Variants in MAP2K5 observed in about 807,000 individuals in gnomAD.
MAP2K5 encodes mitogen-activated protein kinase kinase 5, also known as dual specificity mitogen-activated protein kinase kinase 5.
Under a neutral mutation model 83.1 loss-of-function variants are expected in MAP2K5, and 49 were observed. The ratio of observed to expected loss-of-function variants is 0.59; its 90% confidence interval spans 0.47 to 0.75. MAP2K5 has a LOEUF of 0.75. MAP2K5 is among the 30% of genes least tolerant of loss of function. The pLI, the probability that MAP2K5 is intolerant of heterozygous loss-of-function variation, is 0.00. For synonymous variants in MAP2K5, 202 were observed against 191.8 expected (o/e 1.05, Z -0.44); for missense variants, 457 against 557.5 (o/e 0.82, Z 1.82).
intron 15 of MAP2K5, among the ~76,000 whole-genome samples, chr15:67,693,823 C>T (rs2088176766): frequency 6.6e-6 from 1 of 152,138 alleles, no homozygotes. Context: ...GAAGTTTAAT[C>T]CTACAGAGAG....
chr15:67,769,709 A>G lies in MAP2K5; in HGVS notation c.1196+46A>G. 1 of 1,593,152 alleles carries G rather than the reference A, an allele frequency of 6.3e-7. No individual in the cohort carries two copies. ...GCCATGCCCTCAATGTAAATGATACATGCCATTAACTCGGCAGCTCCGTGA... is the reference window on the plus strand; with the variant it reads ...GCCATGCCCTCAATGTAAATGATACGTGCCATTAACTCGGCAGCTCCGTGA... On this transcript the variant is annotated intron_variant, in intron 20 of 21. Coordinates refer to ENST00000178640, the MANE Select transcript of MAP2K5 (RefSeq NM_145160.3). This position sits in a 1 kb window ranked among gnomAD's most constrained non-coding sequence, Gnocchi z 5.2.
intron 3 of MAP2K5, among the ~76,000 whole-genome samples, chr15:67,575,299 T>C (rs2085030440): frequency 7.0e-6 from 1 of 142,174 alleles, no homozygotes; most frequent in Non-Finnish European, 1.5e-5. Flanking sequence ...AAAGGAGAGA[T>C]GGGGTAATAA....
At chr15:67,663,793 T>G (rs2087300641) in intron 12 of MAP2K5, among the ~76,000 whole-genome samples, 1 of 152,158 alleles carries the variant, frequency 6.6e-6, no homozygotes, top group Admixed American at 6.5e-5. Flanking sequence ...GAGGATTGTT[T>G]GATCCCAGGA....
intron 19 of MAP2K5, among the ~76,000 whole-genome samples, chr15:67,762,195 A>G (rs1054651): frequency 6.6e-6 from 1 of 152,228 alleles, no homozygotes; most frequent in Admixed American, 6.5e-5. Context: ...AAAGAGGACA[A>G]TAACGGGTTT....
chr15:67,719,225 A>C lies in MAP2K5; in HGVS notation c.1045-8691A>C, dbSNP rs949213148. On this transcript the variant is annotated intron_variant, in intron 16 of 21. Transcript: ENST00000178640. The surrounding 1 kb of genome is among the most constrained non-coding windows in gnomAD (Gnocchi z 4.6). ...TATGTGAAAATGGTAGCTACTGATC[A>C]GTCTAAGCAGTGATACGTAAGAGGG... Among the ~76,000 whole-genome samples the C allele has an allele frequency of 1.3e-5, 2 of 152,196 alleles. No individual in the cohort carries two copies. Among genetic ancestry groups the C allele is most frequent in the Admixed American group, 1.3e-4 (2 of 15,280 alleles).
chr15:67,597,674 C>A (rs144745221), intron 7 of MAP2K5, among the ~76,000 whole-genome samples: 8 of 152,196 alleles, frequency 5.3e-5, no homozygotes, highest in African/African-American at 1.7e-4. Flanking sequence ...AGCAGAAATA[C>A]TACTGGTTGA....
In MAP2K5 at chr15:67,775,076, T is replaced by TG. The variant is rs2090213180; in HGVS notation, c.1242+2327dup. Among the ~76,000 whole-genome samples the TG allele has an allele frequency of 7.9e-5, 12 of 152,322 alleles. 1 individual carries two copies. The South Asian group carries it at 2.5e-3, about 32-fold the overall frequency. ...TGGTGGGCTAGATCACCCTTACTCC[T>TG]GGGTCTGGGCCATGCAGAGTGGGCA... is the stretch of plus-strand genomic sequence containing the variant. On this transcript the variant is annotated intron_variant, in intron 21 of 21. Transcript: ENST00000178640. The surrounding 1 kb of genome is among the most constrained non-coding windows in gnomAD (Gnocchi z 5.3).
rs146888784 is a variant in MAP2K5 at position 67,774,202 on chromosome 15, T to TGTGAGA, written c.1242+1451_1242+1452insTGAGAG. ...GTGTGTGTGTGTGTGTGTGTGTGTG[T>TGTGAGA]GAGAGAACATAGGTATTTAGATATA... On this transcript the variant is annotated intron_variant, in intron 21 of 21. Transcript: ENST00000178640. The surrounding 1 kb of genome is among the most constrained non-coding windows in gnomAD (Gnocchi z 4.9). Among the ~76,000 whole-genome samples the TGTGAGA allele has an allele frequency of 1.3e-5, 2 of 150,580 alleles. No homozygotes were observed. The highest frequency in any genetic ancestry group is 4.9e-5 in the African/African-American group (2 of 40,730).
rs536394356 is a variant in MAP2K5 at position 67,771,483 on chromosome 15, G to C, written c.1197-1224G>C. Among the ~76,000 whole-genome samples the C allele has an allele frequency of 6.6e-5, 10 of 152,336 alleles. 1 individual carries two copies. In the South Asian group the frequency reaches 2.1e-3, roughly 32 times the overall value. ...GTTATTTAAAAGTTTTATGGAGACA[G>C]AGGGAGGGATAACCTGCATTCAAAT... is the stretch of plus-strand genomic sequence containing the variant. On this transcript the variant is annotated intron_variant, in intron 20 of 21. Transcript: ENST00000178640.
In MAP2K5 at chr15:67,793,850, T is replaced by C. The variant is rs137995771; in HGVS notation, c.1243-12796T>C. On this transcript the variant is annotated intron_variant, in intron 21 of 21. Coordinates refer to ENST00000178640, the MANE Select transcript of MAP2K5 (RefSeq NM_145160.3). The surrounding 1 kb of genome is among the most constrained non-coding windows in gnomAD (Gnocchi z 4.6). Reference sequence around the variant, plus strand: ...TGGACTTCAAACTGTTGAGGTTTTATTTTCTGAGAGGACCAAAGAGTCATG... The same window carrying C: ...TGGACTTCAAACTGTTGAGGTTTTACTTTCTGAGAGGACCAAAGAGTCATG... 2.6e-5 allele frequency among the ~76,000 whole-genome samples: 4 copies of C among 152,326 alleles called. No individual in the cohort carries two copies. Among genetic ancestry groups the C allele is most frequent in the Admixed American group, 2.6e-4 (4 of 15,302 alleles).
At chr15:67,632,451 G>A (rs562813675) in intron 9 of MAP2K5, among the ~76,000 whole-genome samples, 52 of 152,264 alleles carry the variant, frequency 3.4e-4, no homozygotes, top group African/African-American at 1.2e-3. Context: ...TACATAGTAA[G>A]CCTGTCTACT....
intron 16 of MAP2K5, 31 bp from the exon 17 acceptor site, chr15:67,727,885 A>G (rs746308948): frequency 6.1e-5 from 97 of 1,583,658 alleles, no homozygotes; most frequent in Non-Finnish European, 7.7e-5. Context: ...ATGCAAATCT[A>G]TAACTAGACA....
chr15:67,580,764 C>G lies in MAP2K5; in HGVS notation c.263C>G (p.Thr88Arg). ...MKAMLSYYYS[T>R]VMEQQVNGQL... is the part of the protein sequence containing the mutation. ...ATAATCTCTTTGCAGTATTATTCCA[C>G]AGTAATGGAACAGCAAGTAAATGGA... The change falls in exon 4 of 22, where the codon ACA becomes AGA. Residue 88 changes from threonine (T) to arginine (R), a missense_variant. By Grantham distance (71) the Thr-to-Arg change is moderately conservative. Around this residue, in one of 3 missense-constraint regions of MAP2K5, gnomAD observed 234 missense variants for 243.6 expected, o/e 0.96. Transcript: ENST00000178640. 1.3e-6 allele frequency: 2 copies of G among 1,599,140 alleles called. No individual in the cohort carries two copies. The highest frequency in any genetic ancestry group is 1.7e-6 in the Non-Finnish European group (2 of 1,167,568).
chr15:67,622,994 C>T (rs1388390341), intron 8 of MAP2K5, among the ~76,000 whole-genome samples: 8 of 152,002 alleles, frequency 5.3e-5, no homozygotes, highest in African/African-American at 1.2e-4. Context: ...CCCAGCTACT[C>T]GGGAGGCTGA....
At chr15:67,623,027 G>A (rs1387116314) in intron 8 of MAP2K5, among the ~76,000 whole-genome samples, 2 of 152,158 alleles carry the variant, frequency 1.3e-5, no homozygotes, top group Non-Finnish European at 2.9e-5. Flanking sequence ...GCGTGAACCC[G>A]GGATTTGGAG....
rs942148729 is a variant in MAP2K5, at chr15:67,777,058, C to T, written c.1242+4306C>T. Reference sequence around the variant, plus strand: ...ATTTTTCAAAGGGGACCCTGACCCTCAATGATTGTTAAGCTCCCTTGCTTC... The same window carrying T: ...ATTTTTCAAAGGGGACCCTGACCCTTAATGATTGTTAAGCTCCCTTGCTTC... On this transcript the variant is annotated intron_variant, in intron 21 of 21. Transcript: ENST00000178640. The surrounding 1 kb of genome is among the most constrained non-coding windows in gnomAD (Gnocchi z 6.0). Among the ~76,000 whole-genome samples the T allele has an allele frequency of 2.0e-5, 3 of 152,204 alleles. No individual in the cohort carries two copies. The highest frequency in any genetic ancestry group is 4.4e-5 in the Non-Finnish European group (3 of 68,038).
intron 17 of MAP2K5, among the ~76,000 whole-genome samples, chr15:67,739,639 C>A (rs2089448753): frequency 6.6e-6 from 1 of 151,132 alleles, no homozygotes; most frequent in Admixed American, 6.6e-5. Flanking sequence ...TGCCACCACA[C>A]CTGGCTAATT....
intron 17 of MAP2K5, among the ~76,000 whole-genome samples, chr15:67,743,899 T>C (rs546843934): frequency 1.3e-5 from 2 of 152,322 alleles, no homozygotes; most frequent in East Asian, 1.9e-4. Context: ...GGGAGGGGGC[T>C]TCTGGGGACC....
intron 8 of MAP2K5, among the ~76,000 whole-genome samples, chr15:67,610,845 A>G (rs897777754): frequency 6.6e-6 from 1 of 152,212 alleles, no homozygotes; most frequent in Non-Finnish European, 1.5e-5. Flanking sequence ...ACTTTATATC[A>G]TGTTGTCTTC....
Sources: gnomAD v4.1 joint callset for allele counts (sites outside exome capture counted in the v4.1 genomes callset) on GRCh38, gnomAD v4.1.1 for gene constraint, gnomAD v4.1.1 regional missense constraint, Gnocchi (gnomAD v3.1) non-coding constraint, MANE v1.5 for transcripts, NCBI Gene and HGNC (gene_info 2026-07-23, HGNC 2026-07-21) for gene names.